The following FBXL20 variants were observed in gnomAD, a reference collection of about 807,000 sequenced individuals.
FBXL20 encodes F-box and leucine rich repeat protein 20, also known as F-box/LRR-repeat protein 20.
FBXL20 carries 11 observed loss-of-function variants against 64.0 expected under a neutral mutation model. The observed-to-expected ratio is 0.17, with a 90% CI of 0.11 to 0.28. The LOEUF is 0.28. Among genes scored for constraint, FBXL20 ranks in the 10% least tolerant of loss-of-function variants. The probability of loss-of-function intolerance (pLI) is 1.00; values close to 1 mark genes in which losing one functional copy is unlikely to be tolerated. For missense variants in FBXL20, 303 were observed against 526.2 expected, an observed-to-expected ratio of 0.58 and a Z score of 4.15; for synonymous variants, 184 against 189.0, an observed-to-expected ratio of 0.97 and a Z score of 0.22.
intron 1 of FBXL20, among the ~76,000 whole-genome samples, chr17:39,362,162 G>A (rs148394198): frequency 0.026 from 3,918 of 151,112 alleles, 157 homozygotes; most frequent in African/African-American, 0.088. Flanking sequence ...GAATGGTGGC[G>A]GGCGCCTGCA....
intron 1 of FBXL20, among the ~76,000 whole-genome samples, chr17:39,363,754 T>G (rs2047822848): frequency 7.5e-6 from 1 of 132,698 alleles, no homozygotes; most frequent in Admixed American, 8.8e-5. Context: ...AAGGCTGCAA[T>G]GAGCTGTGAT....
chr17:39,328,983 G>A (rs2047435596), intron 2 of FBXL20, among the ~76,000 whole-genome samples: 1 of 152,164 alleles, frequency 6.6e-6, no homozygotes, highest in Non-Finnish European at 1.5e-5. Context: ...GAGAGCAGGA[G>A]TTCAAGGGTG....
chr17:39,347,901 TCTA>T (rs1487319290), intron 1 of FBXL20, among the ~76,000 whole-genome samples: 1 of 152,140 alleles, frequency 6.6e-6, no homozygotes, highest in African/African-American at 2.4e-5. Flanking sequence ...GTTTCAGCTT[TCTA>T]CATATGGCAA....
chr17:39,335,248 C>G (rs927854388), intron 2 of FBXL20, among the ~76,000 whole-genome samples: 1 of 151,656 alleles, frequency 6.6e-6, no homozygotes, highest in African/African-American at 2.4e-5. Flanking sequence ...TCCCCCTGCA[C>G]AGATCTACCC....
In FBXL20 at chr17:39,318,567, CCT is replaced by C. The variant is rs545199073; in HGVS notation, c.105-14930_105-14929del. On this transcript the variant is annotated intron_variant, in intron 2 of 14. Transcript: ENST00000264658. ...ACCAGCCTGACGAACATGGAGAAACCCTGTCTCTACTAAAAATACAACATTAG... is the reference window on the plus strand; with the variant it reads ...ACCAGCCTGACGAACATGGAGAAACCGTCTCTACTAAAAATACAACATTAG... Among the ~76,000 whole-genome samples, 4 of 152,112 alleles carry C rather than the reference CCT, an allele frequency of 2.6e-5. No homozygotes were observed. The South Asian group carries it at 8.3e-4, about 32-fold the overall frequency.
chr17:39,352,706 GA>G (rs1201428997), intron 1 of FBXL20, among the ~76,000 whole-genome samples: 7 of 146,882 alleles, frequency 4.8e-5, no homozygotes, highest in Non-Finnish European at 1.1e-4. Flanking sequence ...AAGAAAAGAA[GA>G]AAAAAAAGGA....
intron 10 of FBXL20, 126 bp downstream of exon 10, chr17:39,274,844 G>C: frequency 8.2e-7 from 1 of 1,217,252 alleles, no homozygotes; most frequent in Non-Finnish European, 1.1e-6. Context: ...GCATCTAAAA[G>C]GGACTACCTT....
chr17:39,283,032 T>G (rs1487484794), intron 7 of FBXL20, among the ~76,000 whole-genome samples, 177 bp from the exon 8 acceptor site: 1 of 152,244 alleles, frequency 6.6e-6, no homozygotes, highest in Admixed American at 6.5e-5. Flanking sequence ...CACATGGGAC[T>G]ATACCATTAG....
intron 1 of FBXL20, among the ~76,000 whole-genome samples, chr17:39,399,668 T>G (rs2048222076): frequency 6.6e-6 from 1 of 152,218 alleles, no homozygotes. Context: ...AAGATTTCGT[T>G]GCCAGCTACA....
At chr17:39,401,795 C>G, upstream of FBXL20, 1 of 890,668 alleles carries the variant, frequency 1.1e-6, no homozygotes, top group Non-Finnish European at 1.4e-6. Context: ...CGGGGCCGGC[C>G]CTGACGGCGC....
intron 1 of FBXL20, among the ~76,000 whole-genome samples, chr17:39,394,664 A>G (rs935554991): frequency 1.3e-5 from 2 of 151,426 alleles, no homozygotes; most frequent in African/African-American, 4.9e-5. Flanking sequence ...TCCCGGTTTC[A>G]AGCGATTCTC....
intron 2 of FBXL20, among the ~76,000 whole-genome samples, chr17:39,316,792 A>T (rs1393976919): frequency 6.6e-6 from 1 of 152,254 alleles, no homozygotes; most frequent in African/African-American, 2.4e-5. Flanking sequence ...GTTCGAGACC[A>T]GCCTGGCCAA....
intron 1 of FBXL20, among the ~76,000 whole-genome samples, chr17:39,382,339 A>AGGCTGAGGAAGGAGAATGGCGT (rs1010167723): frequency 1.4e-5 from 2 of 145,406 alleles, no homozygotes; most frequent in African/African-American, 5.1e-5. Flanking sequence ...GCTGCTGGGG[A>AGGCTGAGGAAGGAGAATGGCGT]GGCTGAGGAA....
chr17:39,369,719 A>C (rs2047896843), intron 1 of FBXL20, among the ~76,000 whole-genome samples: 1 of 151,884 alleles, frequency 6.6e-6, no homozygotes, highest in Non-Finnish European at 1.5e-5. Context: ...ATCATTTCTC[A>C]CTGCAGGCTG....
intron 2 of FBXL20, among the ~76,000 whole-genome samples, chr17:39,305,261 A>G (rs2047171685): frequency 6.6e-6 from 1 of 152,250 alleles, no homozygotes; most frequent in South Asian, 2.1e-4. Context: ...CAGCAATGTT[A>G]GAAAATATTT....
intron 2 of FBXL20, among the ~76,000 whole-genome samples, chr17:39,336,267 G>A (rs1423746305): frequency 6.6e-6 from 1 of 152,186 alleles, no homozygotes; most frequent in Non-Finnish European, 1.5e-5. Context: ...GTTAATATAT[G>A]TTTGATGAAA....
At chr17:39,325,212 T>C (rs1460944183) in intron 2 of FBXL20, among the ~76,000 whole-genome samples, 1 of 151,902 alleles carries the variant, frequency 6.6e-6, no homozygotes, top group Non-Finnish European at 1.5e-5. Context: ...TCAAAAAAAA[T>C]AGTAGTAATA....
chr17:39,265,341 G>GCAC (rs2046781401), intron 13 of FBXL20, 56 bp downstream of exon 13: 1 of 1,359,956 alleles, frequency 7.4e-7, no homozygotes, highest in South Asian at 1.2e-5. Flanking sequence ...TTGAACTGTA[G>GCAC]CACTGGCTTT....
chr17:39,371,730 G>A (rs889533832), intron 1 of FBXL20, among the ~76,000 whole-genome samples: 3 of 150,384 alleles, frequency 2.0e-5, no homozygotes, highest in African/African-American at 4.9e-5. Flanking sequence ...GCATGATCTC[G>A]GCTCACCACA....
Sources: gnomAD v4.1 joint callset for allele counts (sites outside exome capture counted in the v4.1 genomes callset) on GRCh38, gnomAD v4.1.1 for gene constraint, MANE v1.5 for transcripts, NCBI Gene and HGNC (gene_info 2026-07-23, HGNC 2026-07-21) for gene names.